RBFOX1: variants seen among roughly 807,000 people sequenced by gnomAD.
The protein encoded by RBFOX1 is RNA binding protein fox-1 homolog 1.
A neutral mutation model predicts 57.7 loss-of-function variants in RBFOX1; 8 were observed. The ratio of observed to expected loss-of-function variants is 0.14; its 90% CI spans 0.08 to 0.25. RBFOX1 has a LOEUF of 0.25. Ranked by LOEUF, RBFOX1 falls within the 10% of genes least tolerant of loss-of-function variation. RBFOX1 has a pLI of 1.00. For synonymous variants in RBFOX1, 326 were observed against 222.4 expected, an observed-to-expected ratio of 1.47 and a Z score of -4.15; for missense variants, 611 against 548.5, an observed-to-expected ratio of 1.11 and a Z score of -1.14.
At position 7,388,647 on chromosome 16, in the gene RBFOX1, T is replaced by A. The variant is rs867683659; in HGVS notation, c.28-129500T>A. Among the ~76,000 whole-genome samples the A allele has an allele frequency of 2.9e-4, 14 of 48,280 alleles. No individual in the cohort carries two copies. The South Asian group carries it at 8.0e-3, about 28-fold the overall frequency. The allele number at this position is 48,280 out of a possible 152,430, so 31.7% of individuals were successfully genotyped here. On this transcript the variant is annotated intron_variant, in intron 4 of 15. Transcript: ENST00000550418. ...AACTTAAAAGTGGTTTCACTTACTT[T>A]TTTTTTTTTTTTTTTTTTTTTTGAC...
At chr16:6,056,136 G>T (rs147761240) in intron 1 of RBFOX1, among the ~76,000 whole-genome samples, 115 of 152,238 alleles carry the variant, frequency 7.6e-4, no homozygotes, top group African/African-American at 2.8e-3. Context: ...TCTGTCCATA[G>T]CTGCTTGTCA....
chr16:7,215,725 A>ATTTTTTT lies in RBFOX1; in HGVS notation c.27+163638_27+163644dup, dbSNP rs56108914. 3.0e-5 allele frequency among the ~76,000 whole-genome samples: 4 copies of ATTTTTTT among 133,366 alleles called. 1 individual carries two copies. Among genetic ancestry groups the ATTTTTTT allele is most frequent in the African/African-American group, 1.2e-4 (4 of 34,546 alleles). The allele number at this position is 133,366 out of a possible 152,430, so 87.5% of individuals were successfully genotyped here. On this transcript the variant is annotated intron_variant, in intron 4 of 15. Transcript: ENST00000550418. ...ATCTCTAAGAATTGGCCTATTCTGG[A>ATTTTTTT]TTTTTTTTTTTTTTTTTGAGACGGA...
chr16:6,366,681 C>G (rs571162043), intron 2 of RBFOX1, among the ~76,000 whole-genome samples: 46 of 152,152 alleles, frequency 3.0e-4, no homozygotes, highest in Non-Finnish European at 6.0e-4. Context: ...ATCTTCATAG[C>G]AAACTTAGGG....
At chr16:5,671,926 C>A (rs2050023343) in intron 3 of RBFOX1, among the ~76,000 whole-genome samples, 1 of 152,182 alleles carries the variant, frequency 6.6e-6, no homozygotes, top group African/African-American at 2.4e-5. Flanking sequence ...TAGCTTTTTC[C>A]AGGTAGAGTC....
At chr16:6,859,121 A>ATATATATATGTATATATATATATGTG (rs1567591775) in intron 3 of RBFOX1, among the ~76,000 whole-genome samples, 3 of 64,574 alleles carry the variant, frequency 4.6e-5, no homozygotes, top group East Asian at 5.5e-4. Flanking sequence ...GTATATATAT[A>ATATATATATGTATATATATATATGTG]TATATATACA....
At chr16:7,274,161 C>G (rs904626679) in intron 4 of RBFOX1, among the ~76,000 whole-genome samples, 1 of 152,188 alleles carries the variant, frequency 6.6e-6, no homozygotes, top group African/African-American at 2.4e-5. Flanking sequence ...AGGTTTCTCT[C>G]TGCGTTCTTT....
In RBFOX1 at chr16:7,058,005, GGAAAA is replaced by G. The variant is rs2052964854; in HGVS notation, c.27+5908_27+5912del. ...TCTGGTCGACAGAGGGAGACTGTGG[GGAAAA>G]AAAAAAAAAAAACACGAAAACCACC... is the stretch of plus-strand genomic sequence containing the variant. On this transcript the variant is annotated intron_variant, in intron 4 of 15. Transcript: ENST00000550418. Among the ~76,000 whole-genome samples the G allele has an allele frequency of 2.5e-5, 3 of 121,618 alleles. No individual in the cohort carries two copies. In the South Asian group the frequency reaches 7.9e-4, roughly 32 times the overall value. 79.8% of individuals were successfully genotyped at this position (121,618 alleles called of 152,430 possible).
chr16:7,559,972 A>G (rs959296330), intron 5 of RBFOX1, among the ~76,000 whole-genome samples: 5 of 152,228 alleles, frequency 3.3e-5, no homozygotes, highest in African/African-American at 1.2e-4. Context: ...AGTGGCTGTT[A>G]AAAGAATGGA....
chr16:6,963,698 T>TA (rs1486297072), intron 3 of RBFOX1, among the ~76,000 whole-genome samples: 4 of 152,030 alleles, frequency 2.6e-5, no homozygotes, highest in African/African-American at 4.8e-5. Context: ...TTTATTTATT[T>TA]TATTATTATT....
intron 4 of RBFOX1, among the ~76,000 whole-genome samples, chr16:7,240,863 C>T (rs11859699): frequency 0.1 from 15,724 of 152,258 alleles, 910 homozygotes; most frequent in Middle Eastern, 0.13. Flanking sequence ...AGCCGCTGCA[C>T]CTGGCAAAAT....
At chr16:7,428,546 G>C (rs996338304) in intron 4 of RBFOX1, among the ~76,000 whole-genome samples, 1 of 139,072 alleles carries the variant, frequency 7.2e-6, no homozygotes, top group Admixed American at 7.2e-5. Flanking sequence ...ATTATTTGTA[G>C]TTTTAGTAGA....
intron 3 of RBFOX1, among the ~76,000 whole-genome samples, chr16:6,926,570 C>G (rs1597418503): frequency 6.6e-6 from 1 of 152,194 alleles, no homozygotes; most frequent in African/African-American, 2.4e-5. Flanking sequence ...CCTGCAGGCT[C>G]TGCCTTTGAA....
chr16:6,672,250 G>C (rs1478663971), intron 3 of RBFOX1, among the ~76,000 whole-genome samples: 1 of 152,006 alleles, frequency 6.6e-6, no homozygotes, highest in Non-Finnish European at 1.5e-5. Flanking sequence ...CCACCATAAC[G>C]CTTAGAGTCC....
At chr16:5,598,221 C>A (rs2047250795) in intron 2 of RBFOX1, among the ~76,000 whole-genome samples, 1 of 135,748 alleles carries the variant, frequency 7.4e-6, no homozygotes, top group South Asian at 2.3e-4. Context: ...GAGACTCTGT[C>A]TCAAAAAAAA....
At chr16:5,712,089 G>A (rs1247182974) in intron 3 of RBFOX1, among the ~76,000 whole-genome samples, 1 of 152,166 alleles carries the variant, frequency 6.6e-6, no homozygotes. Flanking sequence ...GAGAAGTGAA[G>A]GGGGAGGAGC....
Position 6,401,631 on chromosome 16 carries a change from C to T in RBFOX1, c.-64+84574C>T, listed in dbSNP as rs183431909. ...TCAGTCATTTTGTAGCTTTCATTTACCCATACCCCATTTCAAATCCCTTGT... is the reference window on the plus strand; with the variant it reads ...TCAGTCATTTTGTAGCTTTCATTTATCCATACCCCATTTCAAATCCCTTGT... On this transcript the variant is annotated intron_variant, in intron 2 of 15. Coordinates refer to ENST00000550418, the MANE Select transcript of RBFOX1 (RefSeq NM_018723.4). Among the ~76,000 whole-genome samples, 215 of 152,224 alleles carry T rather than the reference C, an allele frequency of 1.4e-3. 1 individual carries two copies. Among genetic ancestry groups the T allele is most frequent in the African/African-American group, 3.5e-3 (147 of 41,526 alleles).
intron 4 of RBFOX1, among the ~76,000 whole-genome samples, chr16:7,381,925 C>G (rs2097787742): frequency 2.6e-5 from 4 of 152,136 alleles, no homozygotes; most frequent in Admixed American, 2.6e-4. Context: ...CTGTGATGCC[C>G]AAAGATGTCT....
intron 3 of RBFOX1, among the ~76,000 whole-genome samples, chr16:7,034,194 G>C: frequency 6.6e-6 from 1 of 152,132 alleles, no homozygotes; most frequent in East Asian, 1.9e-4. Flanking sequence ...CCTGGCTCTG[G>C]TTTTTCCTAA....
chr16:6,610,797 C>T (rs2098037073), intron 2 of RBFOX1, among the ~76,000 whole-genome samples: 1 of 152,178 alleles, frequency 6.6e-6, no homozygotes, highest in Non-Finnish European at 1.5e-5. Context: ...ACATCCCCTG[C>T]TTTGAGAAGT....
Sources: gnomAD v4.1 joint callset for allele counts (sites outside exome capture counted in the v4.1 genomes callset) on GRCh38, gnomAD v4.1.1 for gene constraint, MANE v1.5 for transcripts, NCBI Gene and HGNC (gene_info 2026-07-23, HGNC 2026-07-21) for gene names.